IQCE: variants seen among roughly 807,000 people sequenced by gnomAD.
IQCE encodes IQ motif containing E, also known as IQ domain-containing protein E.
Under a neutral mutation model 96.0 loss-of-function variants are expected in IQCE, and 115 were observed. The ratio of observed to expected loss-of-function variants is 1.20; its 90% CI spans 1.03 to 1.40. The LOEUF is 1.40. Ranked by LOEUF, IQCE falls within the 40% of genes most tolerant of loss-of-function variation. IQCE has a pLI of 0.00. For missense variants in IQCE, 1,041 were observed against 909.1 expected (o/e 1.15, Z -1.87); for synonymous variants, 412 against 371.2 (o/e 1.11, Z -1.26).
intron 1 of IQCE, among the ~76,000 whole-genome samples, chr7:2,560,884 G>C (rs1780898074): frequency 6.7e-6 from 1 of 148,516 alleles, no homozygotes; most frequent in Non-Finnish European, 1.5e-5. Flanking sequence ...GTGAACCCAG[G>C]AGGTGGAGCT....
intron 18 of IQCE, 41 bp from the exon 19 acceptor site, chr7:2,604,840 A>G: frequency 6.7e-7 from 1 of 1,495,048 alleles, no homozygotes; most frequent in South Asian, 1.1e-5. Flanking sequence ...TGCCCCGGGC[A>G]CTCACACCCA....
chr7:2,586,932 G>A (rs984685075), intron 12 of IQCE, among the ~76,000 whole-genome samples: 7 of 152,174 alleles, frequency 4.6e-5, no homozygotes, highest in African/African-American at 1.4e-4. Flanking sequence ...AGGGTGGAGG[G>A]GGGCCGTGCT....
At chr7:2,607,656 G>A (rs902488647) in intron 21 of IQCE, 29 of 703,248 alleles carry the variant, frequency 4.1e-5, no homozygotes, top group South Asian at 6.6e-5. Context: ...TGCTCTGCCC[G>A]GAGCTGACGG....
At chr7:2,592,653 C>T (rs776354891) in intron 14 of IQCE, among the ~76,000 whole-genome samples, 4 of 152,242 alleles carry the variant, frequency 2.6e-5, no homozygotes, top group Non-Finnish European at 2.9e-5. Context: ...ACGGTCTAGG[C>T]GGGGCAGGCC....
Position 2,585,960 on chromosome 7 carries a change from G to T in IQCE, c.825-248G>T, listed in dbSNP as rs1157133912. On this transcript the variant is annotated intron_variant, in intron 11 of 21. Transcript: ENST00000402050. ...ATGGCATGGAAAGTATAATACTGATGGTTGAACACGGTATTTTGTTACACA... is the reference window on the plus strand; with the variant it reads ...ATGGCATGGAAAGTATAATACTGATTGTTGAACACGGTATTTTGTTACACA... 1.3e-5 allele frequency among the ~76,000 whole-genome samples: 2 copies of T among 152,190 alleles called. 1 individual carries two copies. Among genetic ancestry groups the T allele is most frequent in the Non-Finnish European group, 2.9e-5 (2 of 68,040 alleles).
chr7:2,579,255 T>TGGAAGTAAAG (rs1259411781), intron 8 of IQCE, among the ~76,000 whole-genome samples: 1 of 152,168 alleles, frequency 6.6e-6, no homozygotes, highest in Non-Finnish European at 1.5e-5. Flanking sequence ...AAGGAAGTAC[T>TGGAAGTAAAG]TCTCTAAAGT....
rs573815001 is a variant in IQCE at position 2,605,286 on chromosome 7, C to T, written c.1743+295C>T. Among the ~76,000 whole-genome samples the T allele has an allele frequency of 3.3e-5, 5 of 152,336 alleles. No individual in the cohort carries two copies. The East Asian group carries it at 7.7e-4, about 24-fold the overall frequency. ...TACTAAAGACAGATGCAGGCCATTG[C>T]GGCCCCTCCTCTGTATTGAGGACCA... On this transcript the variant is annotated intron_variant, in intron 19 of 21. Transcript: ENST00000402050.
In IQCE at chr7:2,586,372, GT is replaced by G. The variant is rs1293347652; in HGVS notation, c.988+2del. 2 of 1,608,922 alleles carry G rather than the reference GT, an allele frequency of 1.2e-6. No individual in the cohort carries two copies. The highest frequency in any genetic ancestry group is 8.5e-7 in the Non-Finnish European group (1 of 1,178,754). On this transcript the variant is annotated splice_donor_variant, in intron 12 of 21. Coordinates refer to ENST00000402050, the MANE Select transcript of IQCE (RefSeq NM_152558.5). LOFTEE classifies it high-confidence loss of function. ...TCCCCAACCATCTCCAAGACACAGG[GT>G]ACCTTCCTGAAAGCCACTCCAGGAG... is the stretch of plus-strand genomic sequence containing the variant.
At position 2,605,927 on chromosome 7, in the gene IQCE, C is replaced by G. The variant is rs1784785728; in HGVS notation, c.1795C>G (p.Pro599Ala). ...CCCCATCGCCCAGGCCACGGGCAGC[C>G]CTGTGCAGGAGGAGGCCATCGTCAT... ...PSPIAQATGS[P>A]VQEEAIVIIQ... is the part of the protein sequence containing the mutation. The change falls in exon 20 of 22, where the codon CCT (proline) becomes GCT (alanine). Residue 599 changes from proline (P) to alanine (A), a missense_variant. Transcript: ENST00000402050. 2 of 1,610,792 alleles carry G rather than the reference C, an allele frequency of 1.2e-6. No homozygotes were observed. The highest frequency in any genetic ancestry group is 1.7e-6 in the Non-Finnish European group (2 of 1,179,090).
At chr7:2,607,955 C>T (rs1252662356) in intron 21 of IQCE, among the ~76,000 whole-genome samples, 2 of 152,138 alleles carry the variant, frequency 1.3e-5, no homozygotes, top group Non-Finnish European at 2.9e-5. Context: ...GGCTGTTTCA[C>T]GTGGGAAGTG....
chr7:2,598,562 C>G lies in IQCE; in HGVS notation c.1538C>G (p.Pro513Arg), dbSNP rs768196052. ...GAGGGGCTCCCGCGGCCCCGCTCCC[C>G]CTGCTCTGATGGGAGAAGAGACGCC... is the stretch of plus-strand genomic sequence containing the variant. ...SEEGLPRPRS[P>R]CSDGRRDAAA... The change falls in exon 17 of 22, where the codon CCC (proline) becomes CGC (arginine). Residue 513 changes from proline to arginine, a missense_variant. Coordinates refer to ENST00000402050, the MANE Select transcript of IQCE (RefSeq NM_152558.5). 6 of 1,610,878 alleles carry G rather than the reference C, an allele frequency of 3.7e-6. No homozygotes were observed. The highest frequency in any genetic ancestry group is 5.1e-6 in the Non-Finnish European group (6 of 1,178,792).
chr7:2,564,576 C>T (rs1031320517), intron 1 of IQCE, among the ~76,000 whole-genome samples: 4 of 151,292 alleles, frequency 2.6e-5, no homozygotes, highest in South Asian at 2.1e-4. Flanking sequence ...CCAGCCTGGG[C>T]GACAAGGCGA....
intron 2 of IQCE, among the ~76,000 whole-genome samples, chr7:2,567,370 G>T (rs111489270): frequency 3.9e-5 from 6 of 152,258 alleles, no homozygotes; most frequent in Non-Finnish European, 7.3e-5. Context: ...TTATCTGGAC[G>T]TGAATCCTGA....
intron 16 of IQCE, chr7:2,597,097 G>T (rs1400288103): frequency 2.1e-6 from 1 of 470,778 alleles, no homozygotes; most frequent in Non-Finnish European, 4.4e-6. Context: ...CGGAAGACCT[G>T]GGCCAGGGCC....
At chr7:2,568,315 C>T (rs1316826978) in intron 2 of IQCE, among the ~76,000 whole-genome samples, 1 of 152,234 alleles carries the variant, frequency 6.6e-6, no homozygotes, top group Non-Finnish European at 1.5e-5. Flanking sequence ...TGTGTTTAGA[C>T]TTGGGTCCCA....
Position 2,611,012 on chromosome 7 carries a change from C to G in IQCE, c.*850C>G, listed in dbSNP as rs1030311210. 6.6e-6 allele frequency: 1 copy of G among 152,638 alleles called. No individual in the cohort carries two copies. Among genetic ancestry groups the G allele is most frequent in the African/African-American group, 2.4e-5 (1 of 41,378 alleles). 9.5% of individuals were successfully genotyped at this position (152,638 alleles called of 1,614,324 possible). A position where few individuals can be genotyped will look rare whatever the true frequency, so the allele number is the denominator to read the frequency against. ...GGGTGAGGAGGCAGGCTCGCCGTTC[C>G]AAGGGACAGCATAGGCTCGTGGTGG... On this transcript the variant is annotated 3_prime_UTR_variant, in exon 22 of 22. Transcript: ENST00000402050.
chr7:2,568,397 G>A (rs1215581886), intron 2 of IQCE, among the ~76,000 whole-genome samples: 1 of 152,126 alleles, frequency 6.6e-6, no homozygotes, highest in Non-Finnish European at 1.5e-5. Context: ...AGGCATCTCG[G>A]ATATGGGACA....
intron 6 of IQCE, 31 bp from the exon 7 acceptor site, chr7:2,578,211 G>A (rs768848380): frequency 2.4e-5 from 36 of 1,526,590 alleles, no homozygotes; most frequent in Non-Finnish European, 3.2e-5. Context: ...GCTTCGTGTG[G>A]ATGGCTGTGC....
intron 1 of IQCE, among the ~76,000 whole-genome samples, chr7:2,566,292 CTTT>C (rs57683972): frequency 5.8e-5 from 8 of 137,630 alleles, no homozygotes; most frequent in Admixed American, 7.3e-5. Context: ...AAAAAGCTTC[CTTT>C]TTTTTTTTTT....
Sources: gnomAD v4.1 joint callset for allele counts (sites outside exome capture counted in the v4.1 genomes callset) on GRCh38, gnomAD v4.1.1 for gene constraint, MANE v1.5 for transcripts, NCBI Gene and HGNC (gene_info 2026-07-23, HGNC 2026-07-21) for gene names.